TEAD1: variants seen among roughly 807,000 people sequenced by gnomAD.
TEAD1 encodes the protein TEA domain transcription factor 1.
A neutral mutation model predicts 54.9 loss-of-function variants in TEAD1; 9 were observed. The observed-to-expected ratio is 0.16, with a 90% CI of 0.10 to 0.29. The LOEUF is 0.29. TEAD1 is among the 10% of genes least tolerant of loss of function. The pLI, the probability that TEAD1 is intolerant of heterozygous loss-of-function variation, is 1.00. For synonymous variants in TEAD1, 200 were observed against 187.8 expected (o/e 1.07, Z -0.53); for missense variants, 387 against 535.9 (o/e 0.72, Z 2.74).
intron 5 of TEAD1, among the ~76,000 whole-genome samples, chr11:12,869,268 C>A (rs923468292): frequency 2.6e-5 from 4 of 152,106 alleles, no homozygotes; most frequent in African/African-American, 9.7e-5. Context: ...GAGGCTAATT[C>A]CTGGGCTGCT....
At chr11:12,709,890 T>C (rs1433097991) in intron 2 of TEAD1, among the ~76,000 whole-genome samples, 4 of 152,168 alleles carry the variant, frequency 2.6e-5, no homozygotes, top group Non-Finnish European at 4.4e-5. Context: ...TTTAGTTCTT[T>C]GACTTACTGG....
intron 7 of TEAD1, among the ~76,000 whole-genome samples, 183 bp downstream of exon 7, chr11:12,881,234 C>T (rs897424465): frequency 3.9e-5 from 6 of 152,138 alleles, no homozygotes; most frequent in Non-Finnish European, 7.3e-5. Flanking sequence ...ACTGGCTTTT[C>T]GGATCTGGGA....
In TEAD1 at chr11:12,882,993, T is replaced by C. The variant is rs1455635787; in HGVS notation, c.575-8T>C. 6.2e-6 allele frequency: 10 copies of C among 1,614,142 alleles called. No homozygotes were observed. The highest frequency in any genetic ancestry group is 1.6e-4 in the Middle Eastern group (1 of 6,062). On this transcript the variant is annotated splice_region_variant and splice_polypyrimidine_tract_variant and intron_variant, in intron 8 of 12. Transcript: ENST00000527636. ...GACCAGCATCAAAGGTGACGATTGC[T>C]CTTTCAGGGTTTGAGCCTGCATCGG...
chr11:12,752,212 A>AG (rs1469015663), intron 2 of TEAD1, among the ~76,000 whole-genome samples: 6 of 96,474 alleles, frequency 6.2e-5, no homozygotes, highest in African/African-American at 2.5e-4. Flanking sequence ...GAAACAGGGC[A>AG]GTTTTTTTTT....
chr11:12,772,429 G>A (rs1342253900), intron 3 of TEAD1, among the ~76,000 whole-genome samples: 2 of 152,184 alleles, frequency 1.3e-5, no homozygotes, highest in South Asian at 2.1e-4. Flanking sequence ...ATGCAGAATG[G>A]AGGAGGATGG....
At chr11:12,736,595 G>T (rs1346424424) in intron 2 of TEAD1, among the ~76,000 whole-genome samples, 1 of 152,048 alleles carries the variant, frequency 6.6e-6, no homozygotes, top group African/African-American at 2.4e-5. Context: ...TCAGTTGCAG[G>T]CATAATCCTT....
At chr11:12,866,942 G>A (rs1165703239) in intron 5 of TEAD1, among the ~76,000 whole-genome samples, 1 of 152,184 alleles carries the variant, frequency 6.6e-6, no homozygotes, top group African/African-American at 2.4e-5. Flanking sequence ...AAAATGAAAT[G>A]TGGGGTGCAT....
chr11:12,787,720 T>G (rs1406656520), intron 3 of TEAD1, among the ~76,000 whole-genome samples: 1 of 152,226 alleles, frequency 6.6e-6, no homozygotes, highest in African/African-American at 2.4e-5. Context: ...ACATTTATAG[T>G]TTAAGATTAT....
chr11:12,779,037 C>T (rs139770957), intron 3 of TEAD1, among the ~76,000 whole-genome samples: 408 of 152,156 alleles, frequency 2.7e-3, no homozygotes, highest in African/African-American at 9.4e-3. Flanking sequence ...AGTCTTTGAC[C>T]ATTTCTTTTC....
intron 11 of TEAD1, among the ~76,000 whole-genome samples, chr11:12,925,256 G>A (rs1312085520): frequency 1.3e-5 from 2 of 152,188 alleles, no homozygotes; most frequent in African/African-American, 2.4e-5. Flanking sequence ...AGTTCCACAG[G>A]CTTAACAGGA....
intron 12 of TEAD1, 33 bp downstream of exon 12, chr11:12,930,359 A>G (rs1455123600): frequency 6.2e-6 from 10 of 1,613,506 alleles, no homozygotes; most frequent in Non-Finnish European, 8.5e-6. Context: ...CTGTGGGCAG[A>G]TGCTGCCATG....
intron 2 of TEAD1, among the ~76,000 whole-genome samples, chr11:12,726,754 C>T (rs1258574654): frequency 1.3e-5 from 2 of 152,074 alleles, no homozygotes; most frequent in Non-Finnish European, 2.9e-5. Context: ...ACTTGGGAGG[C>T]TGAGCCTGGG....
chr11:12,842,659 GA>G (rs1190959969), intron 3 of TEAD1, among the ~76,000 whole-genome samples: 1 of 152,144 alleles, frequency 6.6e-6, no homozygotes, highest in African/African-American at 2.4e-5. Context: ...AAGCATGTCT[GA>G]AGGCCGTTTC....
At chr11:12,842,978 T>A (rs1947071410) in intron 3 of TEAD1, among the ~76,000 whole-genome samples, 1 of 152,256 alleles carries the variant, frequency 6.6e-6, no homozygotes, top group Admixed American at 6.5e-5. Context: ...TGTTCTAATT[T>A]CACTAAACTA....
At chr11:12,713,132 A>C (rs1943979721) in intron 2 of TEAD1, among the ~76,000 whole-genome samples, 1 of 152,122 alleles carries the variant, frequency 6.6e-6, no homozygotes, top group Non-Finnish European at 1.5e-5. Context: ...TGATCCTCCA[A>C]CCTCAGCCTC....
intron 3 of TEAD1, among the ~76,000 whole-genome samples, chr11:12,802,489 C>G (rs932796929): frequency 2.6e-5 from 4 of 152,058 alleles, no homozygotes; most frequent in African/African-American, 9.7e-5. Context: ...CATGTTCCCC[C>G]CATCTCACCG....
chr11:12,811,080 C>T (rs927810932), intron 3 of TEAD1, among the ~76,000 whole-genome samples: 12 of 152,182 alleles, frequency 7.9e-5, no homozygotes, highest in African/African-American at 2.7e-4. Context: ...GGAAGTAGAC[C>T]GTGATTGATA....
At chr11:12,704,403 G>T (rs1427856092) in intron 2 of TEAD1, among the ~76,000 whole-genome samples, 1 of 152,220 alleles carries the variant, frequency 6.6e-6, no homozygotes, top group African/African-American at 2.4e-5. Flanking sequence ...ATGTTCTTCT[G>T]TCTCAGCCAC....
chr11:12,730,908 G>T (rs1402027049), intron 2 of TEAD1, among the ~76,000 whole-genome samples: 1 of 151,550 alleles, frequency 6.6e-6, no homozygotes, highest in East Asian at 1.9e-4. Context: ...CACCATGTTG[G>T]CCAGGCTGGT....
Sources: allele counts gnomAD v4.1 joint callset (sites outside exome capture counted in the v4.1 genomes callset), GRCh38; gene constraint gnomAD v4.1.1; transcripts MANE v1.5; gene names NCBI Gene and HGNC (gene_info 2026-07-23, HGNC 2026-07-21).